Variants in TNR observed in about 807,000 individuals in gnomAD.
TNR encodes the protein tenascin-R.
Under a neutral mutation model 150.4 loss-of-function variants are expected in TNR, and 45 were observed. The ratio of observed to expected loss-of-function variants is 0.30; its 90% confidence interval spans 0.24 to 0.38. TNR has a LOEUF of 0.38. Among genes scored for constraint, TNR ranks in the 10% least tolerant of loss-of-function variants. The pLI is 1.00. For missense variants in TNR, 1,544 were observed against 1,759.1 expected (o/e 0.88, Z 2.19); for synonymous variants, 687 against 678.4 (o/e 1.01, Z -0.20).
chr1:175,619,130 TCTC>T (rs1663877304), intron 1 of TNR, among the ~76,000 whole-genome samples: 2 of 152,084 alleles, frequency 1.3e-5, no homozygotes, highest in African/African-American at 4.8e-5. Context: ...TTCTCTCCAG[TCTC>T]CTCCTCTATC....
intron 1 of TNR, among the ~76,000 whole-genome samples, chr1:175,673,822 T>A (rs562521259): frequency 6.6e-6 from 1 of 152,162 alleles, no homozygotes; most frequent in Non-Finnish European, 1.5e-5. Context: ...AAGCAATCAG[T>A]GTATAGTTAT....
chr1:175,540,103 C>T (rs1660444119), intron 1 of TNR, among the ~76,000 whole-genome samples: 1 of 152,166 alleles, frequency 6.6e-6, no homozygotes, highest in African/African-American at 2.4e-5. Context: ...GGAACTGGCA[C>T]TGTTTTGGTT....
intron 1 of TNR, among the ~76,000 whole-genome samples, chr1:175,658,578 A>G (rs909048859): frequency 2.0e-5 from 3 of 152,216 alleles, no homozygotes; most frequent in Non-Finnish European, 2.9e-5. Context: ...GAAACCTTCT[A>G]TTCTCAAGTG....
intron 3 of TNR, among the ~76,000 whole-genome samples, chr1:175,405,126 T>C (rs918251827): frequency 1.3e-5 from 2 of 152,186 alleles, no homozygotes; most frequent in African/African-American, 4.8e-5. Context: ...GACAAATGCC[T>C]CTTGTCATCA....
intron 1 of TNR, among the ~76,000 whole-genome samples, chr1:175,725,730 T>TG (rs1339618171): frequency 1.3e-5 from 2 of 152,196 alleles, no homozygotes; most frequent in Admixed American, 1.3e-4. Context: ...TGGAGAGGAA[T>TG]GTCCTGATGT....
chr1:175,624,554 G>T (rs888388739), intron 1 of TNR, among the ~76,000 whole-genome samples: 2 of 152,142 alleles, frequency 1.3e-5, no homozygotes, highest in Non-Finnish European at 2.9e-5. Flanking sequence ...GCCAAGAAAT[G>T]CTAAGGAGTG....
At chr1:175,512,672 T>C (rs1571544517) in intron 2 of TNR, among the ~76,000 whole-genome samples, 1 of 152,184 alleles carries the variant, frequency 6.6e-6, no homozygotes, top group African/African-American at 2.4e-5. Flanking sequence ...CCTTTAAGAG[T>C]TGTGCAGAGT....
At chr1:175,354,244 G>A in intron 18 of TNR, 147 bp downstream of exon 18, 4 of 1,091,614 alleles carry the variant, frequency 3.7e-6, no homozygotes, top group Non-Finnish European at 1.3e-6. Flanking sequence ...GAGGTTTCCT[G>A]GTAGGGGCTT....
intron 2 of TNR, among the ~76,000 whole-genome samples, chr1:175,501,260 A>G (rs1168903146): frequency 6.6e-6 from 1 of 152,172 alleles, no homozygotes; most frequent in African/African-American, 2.4e-5. Context: ...GCCAAAATAT[A>G]AAAAATAATA....
In TNR at chr1:175,649,993, T is replaced by A. The variant is rs796280277; in HGVS notation, c.-165+93233A>T. Among the ~76,000 whole-genome samples the A allele has an allele frequency of 1.9e-4, 29 of 152,232 alleles. 1 individual carries two copies. Among genetic ancestry groups the A allele is most frequent in the African/African-American group, 6.0e-4 (25 of 41,512 alleles). On this transcript the variant is annotated intron_variant, in intron 1 of 22. Coordinates refer to ENST00000367674, the MANE Select transcript of TNR (RefSeq NM_003285.3). ...TAACATGTGTTAAAACGACAAAAGA[T>A]TAATCTTAAAAATAAATAGAGCAAA...
At chr1:175,480,824 C>G (rs1199219005) in intron 2 of TNR, among the ~76,000 whole-genome samples, 2 of 152,150 alleles carry the variant, frequency 1.3e-5, no homozygotes, top group East Asian at 3.8e-4. Flanking sequence ...TTAAATTCCC[C>G]CCTGCCTTTT....
intron 1 of TNR, among the ~76,000 whole-genome samples, chr1:175,737,467 T>C (rs1416264760): frequency 6.6e-6 from 1 of 152,206 alleles, no homozygotes; most frequent in Non-Finnish European, 1.5e-5. Flanking sequence ...CATTAAGCCA[T>C]AGAAAGACCC....
At chr1:175,345,255 A>G (rs1309949017) in intron 18 of TNR, among the ~76,000 whole-genome samples, 1 of 152,208 alleles carries the variant, frequency 6.6e-6, no homozygotes, top group East Asian at 1.9e-4. Flanking sequence ...ATCACTGCCA[A>G]TCCTTCACAT....
At chr1:175,377,128 C>T (rs1419440334) in intron 9 of TNR, among the ~76,000 whole-genome samples, 2 of 152,078 alleles carry the variant, frequency 1.3e-5, no homozygotes, top group Non-Finnish European at 2.9e-5. Context: ...GGTTTTCAAA[C>T]TCCACAAGCC....
At chr1:175,363,929 A>G in intron 12 of TNR, 102 bp from the exon 13 acceptor site, 1 of 1,398,074 alleles carries the variant, frequency 7.2e-7, no homozygotes, top group East Asian at 2.4e-5. Context: ...TGTTGTCCCA[A>G]AGGCAGACAA....
chr1:175,576,801 C>A lies in TNR; in HGVS notation c.-164-48432G>T, dbSNP rs78506200. ...TTTAGATGCCACCTCTTCCATGAAG[C>A]CTTCTTAAACCCCCAAACCAAAATA... is the stretch of plus-strand genomic sequence containing the variant. On this transcript the variant is annotated intron_variant, in intron 1 of 22. Transcript: ENST00000367674. 9.1e-3 allele frequency among the ~76,000 whole-genome samples: 1,393 copies of A among 152,270 alleles called. 25 individuals are homozygous for A. The highest frequency in any genetic ancestry group is 0.031 in the African/African-American group (1,272 of 41,530).
intron 1 of TNR, among the ~76,000 whole-genome samples, chr1:175,686,054 C>T (rs755777114): frequency 1.6e-4 from 25 of 152,100 alleles, no homozygotes; most frequent in South Asian, 6.2e-4. Context: ...CACGCACACA[C>T]GCACACACAC....
At chr1:175,632,924 C>G (rs1055251309) in intron 1 of TNR, among the ~76,000 whole-genome samples, 1 of 152,194 alleles carries the variant, frequency 6.6e-6, no homozygotes. Context: ...TATGATGTCT[C>G]TTCCCCTAAA....
At chr1:175,518,572 C>A (rs1195870302) in intron 2 of TNR, among the ~76,000 whole-genome samples, 1 of 152,160 alleles carries the variant, frequency 6.6e-6, no homozygotes, top group Admixed American at 6.5e-5. Context: ...TCCTGGTCAC[C>A]CACAGCTCTA....
Sources: allele counts gnomAD v4.1 joint callset (sites outside exome capture counted in the v4.1 genomes callset), GRCh38; gene constraint gnomAD v4.1.1; transcripts MANE v1.5; gene names NCBI Gene and HGNC (gene_info 2026-07-23, HGNC 2026-07-21).